EMC7: variants seen among roughly 807,000 people sequenced by gnomAD.
EMC7 encodes the protein ER membrane protein complex subunit 7.
A neutral mutation model predicts 24.4 loss-of-function variants in EMC7; 4 were observed. The observed-to-expected ratio is 0.16, with a 90% CI of 0.08 to 0.38. The LOEUF is 0.38. EMC7 is among the 10% of genes least tolerant of loss of function. The probability of loss-of-function intolerance (pLI) is 1.00; values close to 1 mark genes in which losing one functional copy is unlikely to be tolerated. For missense variants in EMC7, 221 were observed against 300.6 expected (o/e 0.74, Z 1.96); for synonymous variants, 106 against 112.0 (o/e 0.95, Z 0.34).
chr15:34,101,660 G>C lies in EMC7; in HGVS notation c.180C>G (p.Asp60Glu). The change falls in exon 1 of 5, where the codon GAC becomes GAG. Residue 60 changes from aspartate to glutamate, a missense_variant. Physicochemically the swap from Asp to Glu is conservative, Grantham distance 45. Coordinates refer to ENST00000256545, the MANE Select transcript of EMC7 (RefSeq NM_020154.3). Reference sequence around the variant, plus strand: ...CCAGCACTCGGGCCGCCGAGATCCAGTCCTGAGGCTTCACCCCTGGAACAA... The same window carrying C: ...CCAGCACTCGGGCCGCCGAGATCCACTCCTGAGGCTTCACCCCTGGAACAA... The part of the protein sequence containing the change: ...RAVVPGVKPQ[D>E]WISAARVLVD... 1 of 1,613,738 alleles carries C rather than the reference G, an allele frequency of 6.2e-7. No individual in the cohort carries two copies. The highest frequency in any genetic ancestry group is 8.5e-7 in the Non-Finnish European group (1 of 1,179,982).
chr15:34,093,134 A>G (rs1901004922), intron 2 of EMC7, among the ~76,000 whole-genome samples: 1 of 152,182 alleles, frequency 6.6e-6, no homozygotes, highest in Non-Finnish European at 1.5e-5. Context: ...GCACCATGGT[A>G]AAGTCAAAAA....
chr15:34,085,497 T>C (rs1399170677), intron 4 of EMC7, among the ~76,000 whole-genome samples: 1 of 151,998 alleles, frequency 6.6e-6, no homozygotes, highest in African/African-American at 2.4e-5. Context: ...TTTTTTCTTT[T>C]CTTTTTTTTT....
chr15:34,095,913 G>C lies in EMC7; in HGVS notation c.338C>G (p.Thr113Ser). 1 of 1,607,112 alleles carries C rather than the reference G, an allele frequency of 6.2e-7. No homozygotes were observed. Among genetic ancestry groups the C allele is most frequent in the Non-Finnish European group, 8.5e-7 (1 of 1,175,096 alleles). ...YRFDPVRVDI[T>S]SKGKMRARYV... is the part of the protein sequence containing the mutation. Reference sequence around the variant, plus strand: ...CCCTCACCTCATTTTTCCTTTCGAAGTGATATCCACTCGAACGGGATCAAA... The same window carrying C: ...CCCTCACCTCATTTTTCCTTTCGAACTGATATCCACTCGAACGGGATCAAA... The change falls in exon 2 of 5, where the codon ACT becomes AGT. Residue 113 changes from threonine to serine, a missense_variant. Thr to Ser is a moderately conservative substitution (Grantham distance 58, BLOSUM62 1). Transcript: ENST00000256545.
intron 3 of EMC7, among the ~76,000 whole-genome samples, chr15:34,089,994 G>C (rs1488323811): frequency 6.6e-6 from 1 of 152,060 alleles, no homozygotes; most frequent in Non-Finnish European, 1.5e-5. Flanking sequence ...AAAATACGCA[G>C]GTAGTATGAA....
rs753095506 is a variant in EMC7 at position 34,093,823 on chromosome 15, ATTTTTTTT to A, written c.356+2064_356+2071del. On this transcript the variant is annotated intron_variant, in intron 2 of 4. Coordinates refer to ENST00000256545, the MANE Select transcript of EMC7 (RefSeq NM_020154.3). ...CACACACACATATATATATATATAT[ATTTTTTTT>A]TTTTTTTTTTTTGAGACAGGATCTT... 7.6e-3 allele frequency among the ~76,000 whole-genome samples: 370 copies of A among 48,708 alleles called. 5 individuals are homozygous for A. The highest frequency in any genetic ancestry group is 0.039 in the African/African-American group (356 of 9,070). 32.0% of individuals were successfully genotyped at this position (48,708 alleles called of 152,430 possible).
chr15:34,086,002 AG>A (rs1248550711), intron 4 of EMC7: 1 of 263,986 alleles, frequency 3.8e-6, no homozygotes, highest in Non-Finnish European at 7.5e-6. Flanking sequence ...TGGTTCTTGG[AG>A]GAAACACTGT....
rs757022675 is a variant in EMC7, at chr15:34,101,825, C to A, written c.15G>T (p.Leu5=). The A allele has an allele frequency of 3.7e-6, 6 of 1,606,114 alleles. No homozygotes were observed. The highest frequency in any genetic ancestry group is 2.2e-5 in the East Asian group (1 of 44,852). The stretch of plus-strand genomic sequence containing the variant: ...GCAGCAGGACGGGAAAGAAGCCCCA[C>A]AGAGCGGCCGCCATGACAGCAGCTC... MAAA[L]WGFFPVLLLL... The change falls in exon 1 of 5, where the codon CTG becomes CTT. Residue 5 remains leucine (L), a synonymous_variant. Coordinates refer to ENST00000256545, the MANE Select transcript of EMC7 (RefSeq NM_020154.3).
chr15:34,097,932 G>T (rs1162585916), intron 1 of EMC7, among the ~76,000 whole-genome samples: 4 of 147,460 alleles, frequency 2.7e-5, no homozygotes, highest in African/African-American at 5.0e-5. Context: ...TTGTGCCATT[G>T]CACTCCAGCC....
intron 1 of EMC7, among the ~76,000 whole-genome samples, chr15:34,100,427 A>G (rs1901155501): frequency 6.6e-6 from 1 of 152,208 alleles, no homozygotes; most frequent in African/African-American, 2.4e-5. Context: ...CAGAAATTAA[A>G]TGCTTTTTAA....
intron 3 of EMC7, 69 bp downstream of exon 3, chr15:34,090,248 T>G: frequency 6.8e-7 from 1 of 1,480,534 alleles, no homozygotes; most frequent in Non-Finnish European, 9.1e-7. Flanking sequence ...CTCACAGAGG[T>G]TTGAAGTTTC....
At chr15:34,089,442 A>G (rs1395518435) in intron 3 of EMC7, among the ~76,000 whole-genome samples, 2 of 152,230 alleles carry the variant, frequency 1.3e-5, no homozygotes, top group East Asian at 1.9e-4. Flanking sequence ...GGCACCTATA[A>G]TAATTAAAAA....
intron 2 of EMC7, among the ~76,000 whole-genome samples, chr15:34,093,823 A>ATATATTTTTTTTTTT (rs1190830993): frequency 3.9e-4 from 19 of 48,688 alleles, no homozygotes; most frequent in African/African-American, 1.9e-3. Flanking sequence ...ATATATATAT[A>ATATATTTTTTTTTTT]TTTTTTTTTT....
chr15:34,088,245 A>T, intron 3 of EMC7, 112 bp from the exon 4 acceptor site: 1 of 886,170 alleles, frequency 1.1e-6, no homozygotes. Flanking sequence ...TTGTCTATAC[A>T]ATAACACTAG....
chr15:34,097,812 T>C (rs1901101069), intron 1 of EMC7, among the ~76,000 whole-genome samples: 1 of 151,894 alleles, frequency 6.6e-6, no homozygotes, highest in South Asian at 2.1e-4. Flanking sequence ...CTACTAAAAA[T>C]ACAAAAATTA....
At chr15:34,099,916 T>C (rs1363745677) in intron 1 of EMC7, among the ~76,000 whole-genome samples, 1 of 152,194 alleles carries the variant, frequency 6.6e-6, no homozygotes, top group African/African-American at 2.4e-5. Context: ...TCCATCAACC[T>C]TTCTACATAC....
chr15:34,088,426 GTT>G (rs1396206006), intron 3 of EMC7, among the ~76,000 whole-genome samples: 1 of 147,388 alleles, frequency 6.8e-6, no homozygotes, highest in Non-Finnish European at 1.5e-5. Flanking sequence ...GAGTTACAGT[GTT>G]ATTTAACACA....
intron 2 of EMC7, among the ~76,000 whole-genome samples, chr15:34,092,077 C>G (rs992571828): frequency 3.3e-5 from 5 of 152,014 alleles, no homozygotes. Context: ...ACCAGCCTGG[C>G]CAACATGGTA....
intron 2 of EMC7, among the ~76,000 whole-genome samples, chr15:34,093,823 A>ATATAT (rs1190830993): frequency 1.4e-4 from 7 of 48,706 alleles, no homozygotes; most frequent in African/African-American, 7.7e-4. Context: ...ATATATATAT[A>ATATAT]TTTTTTTTTT....
chr15:34,100,867 G>A (rs1901161911), intron 1 of EMC7: 1 of 151,664 alleles, frequency 6.6e-6, no homozygotes, highest in African/African-American at 2.4e-5. Flanking sequence ...TGCAAAACTA[G>A]TGCTAACAAA....
Sources: allele counts gnomAD v4.1 joint callset (sites outside exome capture counted in the v4.1 genomes callset), GRCh38; gene constraint gnomAD v4.1.1; transcripts MANE v1.5; gene names NCBI Gene and HGNC (gene_info 2026-07-23, HGNC 2026-07-21).